ESRRG: variants seen among roughly 807,000 people sequenced by gnomAD.
ESRRG encodes estrogen-related receptor gamma.
In ESRRG, 13 loss-of-function variants were observed where a neutral mutation model predicts 44.0. That is an observed-to-expected ratio of 0.30 (90% CI 0.19 to 0.47). The LOEUF (loss-of-function observed/expected upper bound fraction) is 0.47. Ranked by LOEUF, ESRRG falls within the 20% of genes least tolerant of loss-of-function variation. The pLI is 1.00. For missense variants in ESRRG, 395 were observed against 580.6 expected (o/e 0.68, Z 3.29); for synonymous variants, 215 against 214.6 (o/e 1.00, Z -0.02).
intron 2 of ESRRG, among the ~76,000 whole-genome samples, chr1:216,926,318 T>G (rs2062567046): frequency 6.6e-6 from 1 of 151,720 alleles, no homozygotes; most frequent in Non-Finnish European, 1.5e-5. Flanking sequence ...CCAAAGAAAC[T>G]GAGGAGACAG....
intron 1 of ESRRG, among the ~76,000 whole-genome samples, chr1:216,947,336 C>T (rs2066215502): frequency 6.6e-6 from 1 of 152,114 alleles, no homozygotes; most frequent in African/African-American, 2.4e-5. Context: ...TTCTCTGACT[C>T]AAAATTGTAT....
intron 2 of ESRRG, among the ~76,000 whole-genome samples, chr1:216,787,379 C>T (rs1381590269): frequency 1.3e-5 from 2 of 151,824 alleles, no homozygotes; most frequent in African/African-American, 4.8e-5. Context: ...CCAAGGTGGG[C>T]AGATCATGAG....
chr1:216,529,968 T>A (rs1442145299), intron 5 of ESRRG, among the ~76,000 whole-genome samples: 2 of 151,676 alleles, frequency 1.3e-5, no homozygotes, highest in African/African-American at 4.8e-5. Context: ...AAAAATTAGC[T>A]GGGCATAGTG....
intron 1 of ESRRG, among the ~76,000 whole-genome samples, chr1:216,972,635 A>G (rs2071931320): frequency 6.6e-6 from 1 of 152,144 alleles, no homozygotes; most frequent in African/African-American, 2.4e-5. Flanking sequence ...CTTAATAAGG[A>G]GGATTATCTT....
At chr1:216,839,238 T>G (rs2148848643) in intron 2 of ESRRG, among the ~76,000 whole-genome samples, 1 of 152,304 alleles carries the variant, frequency 6.6e-6, no homozygotes, top group South Asian at 2.1e-4. Flanking sequence ...TGTAAAAGGC[T>G]TTTCCTTTTC....
In ESRRG at chr1:216,511,520, CA is replaced by C. The variant is rs932076414; in HGVS notation, c.1133-4338del. 3.5e-4 allele frequency among the ~76,000 whole-genome samples: 37 copies of C among 106,154 alleles called. 1 individual carries two copies. The highest frequency in any genetic ancestry group is 1.1e-3 in the African/African-American group (36 of 33,812). 69.6% of individuals were successfully genotyped at this position (106,154 alleles called of 152,430 possible). On this transcript the variant is annotated intron_variant, in intron 6 of 6. Coordinates refer to ENST00000408911, the MANE Select transcript of ESRRG (RefSeq NM_001438.4). ...GGACATTTACAGAAAAACTAGGTGA[CA>C]GGGTATTCCCAAAATATACATAAAT...
At chr1:216,515,726 A>G (rs1323915765) in intron 6 of ESRRG, among the ~76,000 whole-genome samples, 1 of 152,064 alleles carries the variant, frequency 6.6e-6, no homozygotes, top group Non-Finnish European at 1.5e-5. Context: ...GGGGTGGGGT[A>G]GGGGTGGCAA....
intron 2 of ESRRG, among the ~76,000 whole-genome samples, chr1:216,839,749 T>C (rs2095622209): frequency 6.8e-6 from 1 of 146,866 alleles, no homozygotes; most frequent in African/African-American, 2.5e-5. Context: ...AACCTTCATC[T>C]CCTTGTCCAT....
At chr1:216,713,997 C>G (rs902332987) in intron 1 of ESRRG, among the ~76,000 whole-genome samples, 3 of 152,058 alleles carry the variant, frequency 2.0e-5, no homozygotes, top group African/African-American at 7.2e-5. Flanking sequence ...TCTGATAAAC[C>G]CCCAACTAAC....
In ESRRG at chr1:217,070,544, C is replaced by A. The variant is rs539603372; in HGVS notation, c.-106+18963G>T. ...TATAGGCATGTGCCACCAGGTCTGG[C>A]TAATTTTTGTGTTTTCAGTAGAGAC... On this transcript the variant is annotated intron_variant, in intron 1 of 7. Coordinates refer to the ESRRG transcript ENST00000359162. Among the ~76,000 whole-genome samples the A allele has an allele frequency of 2.0e-5, 3 of 152,170 alleles. No homozygotes were observed. The South Asian group carries it at 6.3e-4, about 32-fold the overall frequency.
At position 216,878,834 on chromosome 1, in the gene ESRRG, T is replaced by TA. The variant is rs2096397689; in HGVS notation, c.-14+60747dup. Among the ~76,000 whole-genome samples, 4 of 152,348 alleles carry TA rather than the reference T, an allele frequency of 2.6e-5. 1 individual carries two copies. In the South Asian group the frequency reaches 8.3e-4, roughly 32 times the overall value. ...GCAAAAGTATTAAATTTTAACTTGA[T>TA]AAAAATATGGATAAATGGCTAGGAG... On this transcript the variant is annotated intron_variant, in intron 2 of 7. Coordinates refer to the ESRRG transcript ENST00000359162.
chr1:216,630,601 T>G (rs904642000), intron 3 of ESRRG, among the ~76,000 whole-genome samples: 10 of 152,180 alleles, frequency 6.6e-5, no homozygotes, highest in African/African-American at 2.2e-4. Context: ...AGCCCTTAAC[T>G]ATAGTGTGCA....
At chr1:216,531,604 TC>T (rs1437306841) in intron 5 of ESRRG, among the ~76,000 whole-genome samples, 1 of 152,126 alleles carries the variant, frequency 6.6e-6, no homozygotes, top group Non-Finnish European at 1.5e-5. Flanking sequence ...AACACAGCTC[TC>T]GGAATTCCTC....
At chr1:217,048,740 A>G (rs187415165) in intron 1 of ESRRG, among the ~76,000 whole-genome samples, 1 of 152,332 alleles carries the variant, frequency 6.6e-6, no homozygotes, top group Admixed American at 6.5e-5. Flanking sequence ...GTCAGAACTT[A>G]CGAGGAAAAT....
intron 3 of ESRRG, among the ~76,000 whole-genome samples, chr1:216,624,827 T>C (rs1213303713): frequency 6.6e-6 from 1 of 152,194 alleles, no homozygotes. Context: ...TCAGTACTTA[T>C]CAGAGGGCTT....
chr1:216,531,340 T>C (rs2049310014), intron 5 of ESRRG, among the ~76,000 whole-genome samples: 2 of 152,104 alleles, frequency 1.3e-5, no homozygotes, highest in South Asian at 4.1e-4. Context: ...TCCCACACTG[T>C]TTTTCTCTGC....
chr1:216,587,724 A>G (rs1376411727), intron 3 of ESRRG, among the ~76,000 whole-genome samples: 1 of 152,200 alleles, frequency 6.6e-6, no homozygotes, highest in African/African-American at 2.4e-5. Flanking sequence ...AGAATCTGCA[A>G]GGAAACCATT....
intron 5 of ESRRG, among the ~76,000 whole-genome samples, chr1:216,525,112 T>C (rs868765332): frequency 6.6e-6 from 1 of 152,150 alleles, no homozygotes; most frequent in Admixed American, 6.6e-5. Flanking sequence ...GCTAGAAAAA[T>C]TTAAAATACA....
At chr1:216,944,397 T>A (rs182419576) in intron 1 of ESRRG, among the ~76,000 whole-genome samples, 3 of 152,050 alleles carry the variant, frequency 2.0e-5, no homozygotes, top group African/African-American at 7.2e-5. Flanking sequence ...GGGAAATAAA[T>A]AAGAGAAGAA....
Sources: allele counts gnomAD v4.1 joint callset (sites outside exome capture counted in the v4.1 genomes callset), GRCh38; gene constraint gnomAD v4.1.1; transcripts MANE v1.5; gene names NCBI Gene and HGNC (gene_info 2026-07-23, HGNC 2026-07-21).